Variants in ZNF180 observed in about 807,000 individuals in gnomAD.
The protein encoded by ZNF180 is zinc finger protein 180, also known as zinc finger protein 180 (HHZ168).
ZNF180 carries 11 observed loss-of-function variants against 11.8 expected under a neutral mutation model. The observed-to-expected ratio is 0.93, with a 90% CI of 0.59 to 1.55. The LOEUF (loss-of-function observed/expected upper bound fraction) is 1.55, where lower values mean the gene tolerates loss of function less well. ZNF180 is among the 40% of genes most tolerant of loss of function. The pLI is 0.00. For synonymous variants in ZNF180, 287 were observed against 257.7 expected, an observed-to-expected ratio of 1.11 and a Z score of -1.09; for missense variants, 773 against 781.7, an observed-to-expected ratio of 0.99 and a Z score of 0.13.
intron 2 of ZNF180, among the ~76,000 whole-genome samples, chr19:44,491,427 C>T (rs1464911004): frequency 6.6e-6 from 1 of 152,262 alleles, no homozygotes; most frequent in African/African-American, 2.4e-5. Flanking sequence ...CTTTGGATTA[C>T]TGACCATTTT....
At position 44,500,338 on chromosome 19, in the gene ZNF180, C is replaced by CT; in HGVS notation, c.-108dup. 6.6e-7 allele frequency: 1 copy of CT among 1,517,342 alleles called. No individual in the cohort carries two copies. Among genetic ancestry groups the CT allele is most frequent in the South Asian group, 1.1e-5 (1 of 88,796 alleles). The allele number at this position is 1,517,342 out of a possible 1,614,324, so 94.0% of individuals were successfully genotyped here. A position where few individuals can be genotyped will look rare whatever the true frequency, so the allele number is the denominator to read the frequency against. On this transcript the variant is annotated 5_prime_UTR_variant, in exon 1 of 5. Coordinates refer to ENST00000592529, the MANE Select transcript of ZNF180 (RefSeq NM_001278509.3). ...CACCGCCTCAGTGCCTAGCACGGCT[C>CT]TGCGGCAGGACGAACTCGGGTTAGG...
At chr19:44,484,281 C>T (rs1030356509) in intron 3 of ZNF180, 80 bp downstream of exon 3, 43 of 1,198,212 alleles carry the variant, frequency 3.6e-5, no homozygotes, top group Middle Eastern at 2.1e-4. Flanking sequence ...CCACCGCGCC[C>T]GGCCTATTTC....
intron 2 of ZNF180, among the ~76,000 whole-genome samples, chr19:44,493,957 G>A (rs751532781): frequency 9.9e-5 from 15 of 152,144 alleles, no homozygotes. Context: ...CAGGGACCCT[G>A]AGCACCAGAA....
Position 44,477,079 on chromosome 19 carries a change from T to C in ZNF180, c.1321A>G (p.Asn441Asp), listed in dbSNP as rs1157291184. 6.2e-7 allele frequency: 1 copy of C among 1,613,970 alleles called. No homozygotes were observed. The highest frequency in any genetic ancestry group is 1.1e-5 in the South Asian group (1 of 91,044). The change falls in exon 5 of 5, where the codon AAT (asparagine) becomes GAT (aspartate). Residue 441 changes from asparagine to aspartate, a missense_variant. Asn to Asp is a conservative substitution (Grantham distance 23, BLOSUM62 1). Transcript: ENST00000592529. ...TGGATAAATGATTTCCCACATTGATTACATTCATAGGGCTTCTCTCCGGTA... is the reference window on the plus strand; with the variant it reads ...TGGATAAATGATTTCCCACATTGATCACATTCATAGGGCTTCTCTCCGGTA... The part of the protein sequence containing the change: ...THTGEKPYEC[N>D]QCGKSFIQSY...
At position 44,477,251 on chromosome 19, in the gene ZNF180, C is replaced by T. The variant is rs763158379; in HGVS notation, c.1149G>A (p.Arg383=). The change falls in exon 5 of 5, where the codon AGG becomes AGA. Residue 383 remains arginine, a synonymous_variant. Coordinates refer to ENST00000592529, the MANE Select transcript of ZNF180 (RefSeq NM_001278509.3). ...TAAAGGATTTCCCACATTGATTACACCTGTAAGGTTTCTCTCCAGTATGAG... is the reference window on the plus strand; with the variant it reads ...TAAAGGATTTCCCACATTGATTACATCTGTAAGGTTTCTCTCCAGTATGAG... ...QRTHTGEKPY[R]CNQCGKSFSQ... 2 of 1,613,742 alleles carry T rather than the reference C, an allele frequency of 1.2e-6. No homozygotes were observed. Among genetic ancestry groups the T allele is most frequent in the South Asian group, 2.2e-5 (2 of 91,046 alleles).
At position 44,487,883 on chromosome 19, in the gene ZNF180, C is replaced by T. The variant is rs917068386; in HGVS notation, c.52-3448G>A. Among the ~76,000 whole-genome samples the T allele has an allele frequency of 8.5e-5, 13 of 152,202 alleles. No homozygotes were observed. In the East Asian group the frequency reaches 9.7e-4, roughly 11 times the overall value. ...CTGGGACTACAGGCGCACATCACCA[C>T]GCCCAGCTAATTTTTGTATTTTTTG... On this transcript the variant is annotated intron_variant, in intron 2 of 4. Coordinates refer to ENST00000592529, the MANE Select transcript of ZNF180 (RefSeq NM_001278509.3).
chr19:44,487,644 A>T (rs1485469993), intron 2 of ZNF180, among the ~76,000 whole-genome samples: 2 of 152,172 alleles, frequency 1.3e-5, no homozygotes, highest in Non-Finnish European at 2.9e-5. Flanking sequence ...AAATAACCAT[A>T]AAAATGGGCA....
chr19:44,477,238 C>A lies in ZNF180; in HGVS notation c.1162G>T (p.Gly388Trp). The A allele has an allele frequency of 1.9e-6, 3 of 1,614,134 alleles. No homozygotes were observed. Among genetic ancestry groups the A allele is most frequent in the Non-Finnish European group, 2.5e-6 (3 of 1,180,020 alleles). ...ACATAACTCTGGCTAAAGGATTTCC[C>A]ACATTGATTACACCTGTAAGGTTTC... ...GEKPYRCNQC[G>W]KSFSQSYVLV... is the part of the protein sequence containing the mutation. The change falls in exon 5 of 5, where the codon GGG (glycine) becomes TGG (tryptophan). Residue 388 changes from glycine (G) to tryptophan (W), a missense_variant. Coordinates refer to ENST00000592529, the MANE Select transcript of ZNF180 (RefSeq NM_001278509.3).
At position 44,476,700 on chromosome 19, in the gene ZNF180, A is replaced by G; in HGVS notation, c.1700T>C (p.Val567Ala). 3 of 1,614,054 alleles carry G rather than the reference A, an allele frequency of 1.9e-6. No homozygotes were observed. The highest frequency in any genetic ancestry group is 1.1e-5 in the South Asian group (1 of 91,086). Residue 567 changes from valine (V) to alanine (A), a missense_variant, in exon 5 of 5, where the codon GTA becomes GCA. Transcript: ENST00000592529. ...KSFSQSYVLVVHQRTHTGEKP... is the reference protein window; with the variant it reads ...KSFSQSYVLVAHQRTHTGEKP... ...TTCTCCAGTATGAGTTCTCTGATGTACAACAAGAACATAACTCTGGCTGAA... is the reference window on the plus strand; with the variant it reads ...TTCTCCAGTATGAGTTCTCTGATGTGCAACAAGAACATAACTCTGGCTGAA...
At chr19:44,492,739 A>G (rs1970481077) in intron 2 of ZNF180, among the ~76,000 whole-genome samples, 1 of 151,928 alleles carries the variant, frequency 6.6e-6, no homozygotes, top group African/African-American at 2.4e-5. Flanking sequence ...TAATCAAATC[A>G]CAGAAATATT....
At position 44,500,297 on chromosome 19, in the gene ZNF180, C is replaced by T; in HGVS notation, c.-66G>A. 6.2e-7 allele frequency: 1 copy of T among 1,608,522 alleles called. No homozygotes were observed. Among genetic ancestry groups the T allele is most frequent in the Non-Finnish European group, 8.5e-7 (1 of 1,177,308 alleles). On this transcript the variant is annotated 5_prime_UTR_variant, in exon 1 of 5. Coordinates refer to ENST00000592529, the MANE Select transcript of ZNF180 (RefSeq NM_001278509.3). ...AACCTGGGCGTCCGCTGGCCCGCAG[C>T]CCAGGCTGGGCCTGTCACCGCCTCA...
chr19:44,485,983 A>T (rs1338563069), intron 2 of ZNF180, among the ~76,000 whole-genome samples: 3 of 152,228 alleles, frequency 2.0e-5, no homozygotes, highest in African/African-American at 7.2e-5. Flanking sequence ...GTACATCAGG[A>T]TGCATATACA....
chr19:44,494,493 T>C (rs915069532), intron 2 of ZNF180, among the ~76,000 whole-genome samples: 1 of 138,942 alleles, frequency 7.2e-6, no homozygotes, highest in African/African-American at 2.8e-5. Flanking sequence ...AGCGAGACCC[T>C]GTCTCTACAA....
chr19:44,494,664 C>A (rs1970534416), intron 2 of ZNF180, among the ~76,000 whole-genome samples: 1 of 152,070 alleles, frequency 6.6e-6, no homozygotes, highest in Admixed American at 6.6e-5. Context: ...CAGAGTGAGA[C>A]CCTGTCTCTT....
Position 44,500,315 on chromosome 19 carries a change from C to T in ZNF180, c.-84G>A, listed in dbSNP as rs1275866199. The T allele has an allele frequency of 3.8e-6, 6 of 1,582,926 alleles. No homozygotes were observed. The highest frequency in any genetic ancestry group is 5.2e-6 in the Non-Finnish European group (6 of 1,155,804). ...CCCGCAGCCCAGGCTGGGCCTGTCA[C>T]CGCCTCAGTGCCTAGCACGGCTCTG... On this transcript the variant is annotated 5_prime_UTR_variant, in exon 1 of 5. It adds an upstream start codon to the 5' untranslated region. Coordinates refer to ENST00000592529, the MANE Select transcript of ZNF180 (RefSeq NM_001278509.3).
chr19:44,500,193 C>T, intron 1 of ZNF180, 82 bp downstream of exon 1: 1 of 1,614,186 alleles, frequency 6.2e-7, no homozygotes, highest in Non-Finnish European at 8.5e-7. Context: ...CCCCGCTACA[C>T]TCACCACCGC....
rs1210243783 is a variant in ZNF180 at position 44,478,034 on chromosome 19, T to C, written c.366A>G (p.Leu122=). 6.2e-7 allele frequency: 1 copy of C among 1,614,098 alleles called. No individual in the cohort carries two copies. Residue 122 remains leucine, a synonymous_variant, in exon 5 of 5, where the codon TTA becomes TTG. Transcript: ENST00000592529. ...AATCATCCACTTCTTCACATGAAGA[T>C]AACCAAGGATCATCCCTTGTAAACC... is the stretch of plus-strand genomic sequence containing the variant. ...IERFTRDDPW[L]SSCEEVDDCK...
At chr19:44,498,515 G>A (rs1970649030) in intron 1 of ZNF180, among the ~76,000 whole-genome samples, 1 of 152,084 alleles carries the variant, frequency 6.6e-6, no homozygotes, top group Non-Finnish European at 1.5e-5. Flanking sequence ...TCTTTCGGGG[G>A]CACCTGTGGC....
chr19:44,500,180 T>C, intron 1 of ZNF180, 95 bp downstream of exon 1: 1 of 1,614,000 alleles, frequency 6.2e-7, no homozygotes, highest in Non-Finnish European at 8.5e-7. Context: ...AGATACCAGG[T>C]CTCCCCGCTA....
Sources: gnomAD v4.1 joint callset for allele counts (sites outside exome capture counted in the v4.1 genomes callset) on GRCh38, gnomAD v4.1.1 for gene constraint, MANE v1.5 for transcripts, NCBI Gene and HGNC (gene_info 2026-07-23, HGNC 2026-07-21) for gene names.